The following CHCHD3 variants were observed in gnomAD, a reference collection of about 807,000 sequenced individuals.
The protein encoded by CHCHD3 is coiled-coil-helix-coiled-coil-helix domain containing 3.
Under a neutral mutation model 38.2 loss-of-function variants are expected in CHCHD3, and 20 were observed. The ratio of observed to expected loss-of-function variants is 0.52; its 90% CI spans 0.37 to 0.76. The LOEUF is 0.76. Ranked by LOEUF, CHCHD3 falls within the 30% of genes least tolerant of loss-of-function variation. The probability of loss-of-function intolerance (pLI) is 0.00; values close to 1 mark genes in which losing one functional copy is unlikely to be tolerated. For synonymous variants in CHCHD3, 82 were observed against 100.0 expected (o/e 0.82, Z 1.07); for missense variants, 245 against 279.2 (o/e 0.88, Z 0.87).
chr7:132,850,170 T>C (rs1808178183), intron 5 of CHCHD3, among the ~76,000 whole-genome samples: 2 of 152,140 alleles, frequency 1.3e-5, no homozygotes, highest in Non-Finnish European at 2.9e-5. Context: ...GCCTCTCTCC[T>C]TTTCCAACAA....
chr7:132,891,086 A>C (rs1018334129), intron 4 of CHCHD3, among the ~76,000 whole-genome samples: 2 of 152,224 alleles, frequency 1.3e-5, no homozygotes, highest in Non-Finnish European at 2.9e-5. Context: ...AGAAGCTGTA[A>C]AACATGATCA....
intron 4 of CHCHD3, among the ~76,000 whole-genome samples, chr7:132,912,445 A>T (rs1343741122): frequency 1.3e-5 from 2 of 152,234 alleles, no homozygotes; most frequent in Non-Finnish European, 2.9e-5. Context: ...GTTAGCCCAT[A>T]GCCAGAGCTC....
At chr7:132,942,842 C>A (rs1325470257) in intron 4 of CHCHD3, among the ~76,000 whole-genome samples, 1 of 152,088 alleles carries the variant, frequency 6.6e-6, no homozygotes, top group Non-Finnish European at 1.5e-5. Flanking sequence ...AATAAACTAA[C>A]GTGGTTTGTT....
Position 133,057,206 on chromosome 7 carries a change from G to C in CHCHD3, c.169+12936C>G, listed in dbSNP as rs527538917. Among the ~76,000 whole-genome samples, 46 of 152,228 alleles carry C rather than the reference G, an allele frequency of 3.0e-4. 1 individual carries two copies. Among genetic ancestry groups the C allele is most frequent in the Non-Finnish European group, 5.9e-5 (4 of 68,000 alleles). On this transcript the variant is annotated intron_variant, in intron 2 of 7. Coordinates refer to ENST00000262570, the MANE Select transcript of CHCHD3 (RefSeq NM_017812.4). Reference sequence around the variant, plus strand: ...TAGGGAGGTGTTTGTTCAACTAAAAGAATTTTACTTGGATGGAGAGAAAAA... The same window carrying C: ...TAGGGAGGTGTTTGTTCAACTAAAACAATTTTACTTGGATGGAGAGAAAAA...
chr7:132,923,686 A>G (rs1387183721), intron 4 of CHCHD3, among the ~76,000 whole-genome samples: 1 of 152,120 alleles, frequency 6.6e-6, no homozygotes. Context: ...CCAAATAAAC[A>G]TATTTTTTCA....
rs541671458 is a variant in CHCHD3, at chr7:132,884,265, CAG to C, written c.453+1395_453+1396del. The stretch of plus-strand genomic sequence containing the variant: ...GGCCTCTTCCCAAATGTCATCTCAA[CAG>C]AGAGTTCTTCCCTCTGTACCCAACT... On this transcript the variant is annotated intron_variant, in intron 5 of 7. Transcript: ENST00000262570. Among the ~76,000 whole-genome samples, 575 of 152,244 alleles carry C rather than the reference CAG, an allele frequency of 3.8e-3. 2 individuals carry two copies. The highest frequency in any genetic ancestry group is 0.014 in the African/African-American group (566 of 41,550).
chr7:132,909,497 CA>C (rs1223750282), intron 4 of CHCHD3, among the ~76,000 whole-genome samples: 2 of 151,996 alleles, frequency 1.3e-5, no homozygotes, highest in Non-Finnish European at 1.5e-5. Context: ...TCTCAAAAAA[CA>C]AACAAAAAAC....
intron 2 of CHCHD3, among the ~76,000 whole-genome samples, chr7:133,033,685 T>A (rs1005090099): frequency 6.6e-6 from 1 of 152,140 alleles, no homozygotes; most frequent in Non-Finnish European, 1.5e-5. Context: ...CACCAAAATA[T>A]CTTTCCCCAA....
intron 6 of CHCHD3, among the ~76,000 whole-genome samples, chr7:132,820,611 GTTTTTTT>G (rs748470167): frequency 5.2e-5 from 5 of 96,186 alleles, no homozygotes; most frequent in Non-Finnish European, 8.0e-5. Flanking sequence ...ATGTGCTAGT[GTTTTTTT>G]TTTTTTTTTT....
chr7:132,821,389 T>C (rs1305702442), intron 6 of CHCHD3, among the ~76,000 whole-genome samples: 1 of 152,212 alleles, frequency 6.6e-6, no homozygotes, highest in African/African-American at 2.4e-5. Context: ...GTCTACTGAA[T>C]GATGTGAAGA....
At chr7:132,895,236 A>T (rs1809464624) in intron 4 of CHCHD3, among the ~76,000 whole-genome samples, 1 of 152,212 alleles carries the variant, frequency 6.6e-6, no homozygotes, top group Non-Finnish European at 1.5e-5. Flanking sequence ...ATCCCTAAAA[A>T]GCTCTGTATC....
At chr7:132,992,894 C>T (rs1812320503) in intron 3 of CHCHD3, among the ~76,000 whole-genome samples, 1 of 152,090 alleles carries the variant, frequency 6.6e-6, no homozygotes, top group Non-Finnish European at 1.5e-5. Flanking sequence ...TGGACTCTGC[C>T]TGCTAGAATT....
At chr7:133,071,381 G>C (rs1414260361) in intron 1 of CHCHD3, among the ~76,000 whole-genome samples, 2 of 152,226 alleles carry the variant, frequency 1.3e-5, no homozygotes, top group African/African-American at 4.8e-5. Flanking sequence ...AGAGAAGGTG[G>C]GGAGGGAAGG....
chr7:132,970,100 C>A (rs1402787056), intron 4 of CHCHD3, among the ~76,000 whole-genome samples: 1 of 152,188 alleles, frequency 6.6e-6, no homozygotes, highest in Non-Finnish European at 1.5e-5. Context: ...CCCCTGCACA[C>A]ACACACCCAC....
intron 3 of CHCHD3, among the ~76,000 whole-genome samples, chr7:133,023,076 T>A (rs1014615903): frequency 4.6e-5 from 7 of 152,164 alleles, no homozygotes; most frequent in Non-Finnish European, 8.8e-5. Context: ...TCTCTTTTTT[T>A]AAAAATTGAT....
intron 2 of CHCHD3, among the ~76,000 whole-genome samples, chr7:133,061,669 T>C (rs1015794397): frequency 6.6e-5 from 10 of 152,176 alleles, no homozygotes; most frequent in African/African-American, 2.4e-4. Context: ...TTTATAGTAA[T>C]GTGAGTTATC....
chr7:133,055,487 G>C (rs1258630771), intron 2 of CHCHD3, among the ~76,000 whole-genome samples: 1 of 142,964 alleles, frequency 7.0e-6, no homozygotes, highest in Non-Finnish European at 1.5e-5. Flanking sequence ...AATTATAATT[G>C]TTATATATTT....
intron 6 of CHCHD3, among the ~76,000 whole-genome samples, chr7:132,800,527 G>A (rs1806763538): frequency 2.0e-5 from 3 of 151,988 alleles, no homozygotes; most frequent in South Asian, 2.1e-4. Context: ...TAATATTAAT[G>A]GTAAGGATAA....
chr7:132,909,268 T>C (rs1244883612), intron 4 of CHCHD3, among the ~76,000 whole-genome samples: 1 of 152,084 alleles, frequency 6.6e-6, no homozygotes, highest in South Asian at 2.1e-4. Context: ...CTGAAGCAGA[T>C]GGATCACTTG....
Sources: gnomAD v4.1 joint callset for allele counts (sites outside exome capture counted in the v4.1 genomes callset) on GRCh38, gnomAD v4.1.1 for gene constraint, MANE v1.5 for transcripts, NCBI Gene and HGNC (gene_info 2026-07-23, HGNC 2026-07-21) for gene names.